The following SEMA5B variants were observed in gnomAD, a reference collection of about 807,000 sequenced individuals.
The protein encoded by SEMA5B is semaphorin 5B.
A neutral mutation model predicts 135.0 loss-of-function variants in SEMA5B; 66 were observed. The observed-to-expected ratio is 0.49, with a 90% CI of 0.40 to 0.60. The LOEUF is 0.60. Among genes scored for constraint, SEMA5B ranks in the 20% least tolerant of loss-of-function variants. SEMA5B has a pLI of 0.00. For missense variants in SEMA5B, 1,501 were observed against 1,566.3 expected (o/e 0.96, Z 0.70); for synonymous variants, 690 against 639.5 (o/e 1.08, Z -1.19).
rs116616572 is a variant in SEMA5B, at chr3:122,951,477, T to G, written c.125-2768A>C. On this transcript the variant is annotated intron_variant, in intron 2 of 22. Transcript: ENST00000357599. ...GAAACTTTTAAACAACTAGTTTGGGTTCACTAAAACTCCTGGAAAAGCCCT... is the reference window on the plus strand; with the variant it reads ...GAAACTTTTAAACAACTAGTTTGGGGTCACTAAAACTCCTGGAAAAGCCCT... 5.4e-3 allele frequency among the ~76,000 whole-genome samples: 817 copies of G among 152,284 alleles called. 6 individuals carry two copies. The highest frequency in any genetic ancestry group is 0.019 in the African/African-American group (783 of 41,552).
In SEMA5B at chr3:122,910,786, G is replaced by A. The variant is rs1356904733; in HGVS notation, c.3297+54C>T. 123 of 1,403,176 alleles carry A rather than the reference G, an allele frequency of 8.8e-5. 1 individual carries two copies. The Middle Eastern group carries it at 1.9e-3, about 21-fold the overall frequency. The allele number at this position is 1,403,176 out of a possible 1,614,324, so 86.9% of individuals were successfully genotyped here. A position where few individuals can be genotyped will look rare whatever the true frequency, so the allele number is the denominator to read the frequency against. On this transcript the variant is annotated intron_variant, in intron 22 of 22. Transcript: ENST00000357599. Reference sequence around the variant, plus strand: ...GATCCCACCACTGCACTCCAGCCTGGGCGACAGAGTGAGACTCCGTCTCAA... The same window carrying A: ...GATCCCACCACTGCACTCCAGCCTGAGCGACAGAGTGAGACTCCGTCTCAA...
At chr3:122,928,947 G>A in intron 6 of SEMA5B, 49 bp downstream of exon 6, 2 of 1,572,662 alleles carry the variant, frequency 1.3e-6, no homozygotes, top group South Asian at 1.1e-5. Flanking sequence ...ACAACCACAG[G>A]CCTCCTTCCA....
intron 6 of SEMA5B, 105 bp from the exon 7 acceptor site, chr3:122,928,720 A>C (rs1458679614): frequency 1.1e-6 from 1 of 872,030 alleles, no homozygotes; most frequent in Non-Finnish European, 1.8e-6. Flanking sequence ...TATTCTAAAC[A>C]CTCCCCTTGA....
chr3:122,919,742 G>T (rs1011151), intron 12 of SEMA5B, among the ~76,000 whole-genome samples: 2 of 152,050 alleles, frequency 1.3e-5, no homozygotes, highest in Non-Finnish European at 2.9e-5. Flanking sequence ...GTGACCTTGC[G>T]TTTCATACTT....
chr3:122,962,958 G>A (rs1940650575), intron 1 of SEMA5B, among the ~76,000 whole-genome samples: 1 of 152,154 alleles, frequency 6.6e-6, no homozygotes, highest in Non-Finnish European at 1.5e-5. Context: ...GTCCGATCTG[G>A]CCCAAGGGCA....
At chr3:122,986,121 A>G (rs1046102693) in intron 1 of SEMA5B, among the ~76,000 whole-genome samples, 1 of 152,218 alleles carries the variant, frequency 6.6e-6, no homozygotes, top group Non-Finnish European at 1.5e-5. Context: ...GTTTCTTGCC[A>G]ACACCAAGTC....
intron 12 of SEMA5B, among the ~76,000 whole-genome samples, chr3:122,916,562 C>G (rs764448868): frequency 2.0e-5 from 3 of 152,186 alleles, no homozygotes; most frequent in Non-Finnish European, 2.9e-5. Flanking sequence ...TAAGTAGTTT[C>G]CCTGAGATCA....
chr3:122,972,014 CTTG>C (rs1312683514), intron 1 of SEMA5B, among the ~76,000 whole-genome samples: 1 of 152,238 alleles, frequency 6.6e-6, no homozygotes, highest in Non-Finnish European at 1.5e-5. Flanking sequence ...TCAACAAACG[CTTG>C]TTGTCCACAT....
At chr3:123,017,058 A>T (rs977920101) in intron 1 of SEMA5B, among the ~76,000 whole-genome samples, 2 of 151,656 alleles carry the variant, frequency 1.3e-5, no homozygotes, top group Admixed American at 6.6e-5. Flanking sequence ...CGCCCGGCTA[A>T]TTTTTTGTAT....
At chr3:123,006,563 C>T (rs553228848) in intron 1 of SEMA5B, among the ~76,000 whole-genome samples, 1 of 152,170 alleles carries the variant, frequency 6.6e-6, no homozygotes, top group Non-Finnish European at 1.5e-5. Flanking sequence ...GCCCTGAGTG[C>T]TGAAATTAGG....
intron 2 of SEMA5B, among the ~76,000 whole-genome samples, chr3:122,958,507 G>T (rs1940435186): frequency 1.3e-5 from 2 of 152,210 alleles, no homozygotes; most frequent in Admixed American, 6.5e-5. Flanking sequence ...CTCCGTGGGG[G>T]TGGTGAAGGC....
chr3:122,910,349 G>C (rs115859351), intron 22 of SEMA5B, 48 bp from the exon 23 acceptor site: 2 of 1,600,746 alleles, frequency 1.2e-6, no homozygotes, highest in Non-Finnish European at 1.7e-6. Context: ...GAACACACAG[G>C]GGAAGGGAAC....
chr3:122,966,539 A>C (rs1226997806), intron 1 of SEMA5B, among the ~76,000 whole-genome samples: 1 of 26,798 alleles, frequency 3.7e-5, no homozygotes, highest in Non-Finnish European at 1.1e-4. Flanking sequence ...AAGAATGTTT[A>C]TTATTATTAT....
At chr3:122,923,871 T>A in intron 9 of SEMA5B, 119 bp from the exon 10 acceptor site, 1 of 1,062,036 alleles carries the variant, frequency 9.4e-7, no homozygotes, top group Non-Finnish European at 1.4e-6. Flanking sequence ...CTATGATGTG[T>A]CTGGCACATG....
intron 1 of SEMA5B, among the ~76,000 whole-genome samples, chr3:123,020,100 T>C (rs1044282823): frequency 6.6e-6 from 1 of 152,232 alleles, no homozygotes; most frequent in Non-Finnish European, 1.5e-5. Context: ...TCTGAGGAAA[T>C]AATCATTGAT....
At chr3:122,966,549 T>C (rs568380418) in intron 1 of SEMA5B, among the ~76,000 whole-genome samples, 2,065 of 148,706 alleles carry the variant, frequency 0.014, 59 homozygotes, top group African/African-American at 0.049. Context: ...ATTATTATTA[T>C]TATTATTATT....
chr3:122,972,091 C>T (rs546026924), intron 1 of SEMA5B, among the ~76,000 whole-genome samples: 1 of 152,220 alleles, frequency 6.6e-6, no homozygotes, highest in South Asian at 2.1e-4. Context: ...TTGAGGAGTC[C>T]CTCACTGCTC....
In SEMA5B at chr3:122,910,212, T is replaced by A. The variant is rs1450110668; in HGVS notation, c.3387A>T (p.Pro1129=). 1 of 1,614,172 alleles carries A rather than the reference T, an allele frequency of 6.2e-7. No homozygotes were observed. The highest frequency in any genetic ancestry group is 8.5e-7 in the Non-Finnish European group (1 of 1,180,016). ...GGAAGCTGTGTTTGTTCAGGGGGCT[T>A]GGGTAGTAAGTAGTCGTGTACACAT... ...QTNVYTTTYY[P]SPLNKHSFRP... The change falls in exon 23 of 23, where the codon CCA becomes CCT. Residue 1129 remains proline (P), a synonymous_variant. Transcript: ENST00000357599.
At chr3:123,001,371 G>A (rs1942171228) in intron 1 of SEMA5B, among the ~76,000 whole-genome samples, 1 of 152,062 alleles carries the variant, frequency 6.6e-6, no homozygotes, top group African/African-American at 2.4e-5. Context: ...TTTGGAGAAG[G>A]AACCACCCCC....
Sources: allele counts gnomAD v4.1 joint callset (sites outside exome capture counted in the v4.1 genomes callset), GRCh38; gene constraint gnomAD v4.1.1; transcripts MANE v1.5; gene names NCBI Gene and HGNC (gene_info 2026-07-23, HGNC 2026-07-21).